Variants in GRID2 observed in about 807,000 individuals in gnomAD.
The protein encoded by GRID2 is glutamate ionotropic receptor delta type subunit 2.
Under a neutral mutation model 114.8 loss-of-function variants are expected in GRID2, and 33 were observed. The observed-to-expected ratio is 0.29, with a 90% CI of 0.22 to 0.38. GRID2 has a LOEUF of 0.38. Ranked by LOEUF, GRID2 falls within the 10% of genes least tolerant of loss-of-function variation. The probability of loss-of-function intolerance (pLI) is 1.00; values close to 1 mark genes in which losing one functional copy is unlikely to be tolerated. For synonymous variants in GRID2, 505 were observed against 449.9 expected (o/e 1.12, Z -1.55); for missense variants, 1,184 against 1,257.7 (o/e 0.94, Z 0.89).
At chr4:93,223,726 A>G (rs1017872892) in intron 6 of GRID2, among the ~76,000 whole-genome samples, 1 of 152,156 alleles carries the variant, frequency 6.6e-6, no homozygotes, top group African/African-American at 2.4e-5. Context: ...TATAACATGA[A>G]GCAGCTTTTA....
intron 2 of GRID2, among the ~76,000 whole-genome samples, chr4:92,621,981 G>A (rs2149239108): frequency 6.6e-6 from 1 of 151,832 alleles, no homozygotes; most frequent in South Asian, 2.1e-4. Flanking sequence ...GTTAAACATT[G>A]AACTATTGAG....
At chr4:92,572,074 A>C (rs977831547) in intron 1 of GRID2, among the ~76,000 whole-genome samples, 5 of 152,082 alleles carry the variant, frequency 3.3e-5, no homozygotes, top group Non-Finnish European at 5.9e-5. Flanking sequence ...AAAACCCTTC[A>C]AAAAATTAAT....
At chr4:92,932,249 A>G (rs910407925) in intron 2 of GRID2, among the ~76,000 whole-genome samples, 16 of 151,410 alleles carry the variant, frequency 1.1e-4, no homozygotes, top group African/African-American at 3.9e-4. Flanking sequence ...AATGGTCAAA[A>G]GACTTGGGTC....
rs575415339 is a variant in GRID2 at position 93,513,458 on chromosome 4, C to T, written c.1998-1758C>T. ...ATGGTATGACCTACAAGTAAATGTC[C>T]ACTCACTTTGTTATTCAGTTGCATC... On this transcript the variant is annotated intron_variant, in intron 12 of 15. Transcript: ENST00000282020. Among the ~76,000 whole-genome samples, 5 of 152,138 alleles carry T rather than the reference C, an allele frequency of 3.3e-5. No individual in the cohort carries two copies. The South Asian group carries it at 1.0e-3, about 32-fold the overall frequency.
rs1234007344 is a variant in GRID2 at position 93,216,925 on chromosome 4, G to A, written c.963+14G>A. ...CAGAATATGGAGGTATATTATAAAT[G>A]ACAGGATATTTCTTCCAGGGTGCTT... On this transcript the variant is annotated intron_variant, in intron 6 of 15. Coordinates refer to ENST00000282020, the MANE Select transcript of GRID2 (RefSeq NM_001510.4). 6.3e-7 allele frequency: 1 copy of A among 1,582,100 alleles called. No individual in the cohort carries two copies. Among genetic ancestry groups the A allele is most frequent in the South Asian group, 1.1e-5 (1 of 90,090 alleles).
Position 92,305,628 on chromosome 4 carries a change from C to T in GRID2, c.88+884C>T, listed in dbSNP as rs548606618. ...CGCGACTCTGAGAAGGACTGCCGAG[C>T]GGGCTCCGAGATGCTGGTGGCCCCA... On this transcript the variant is annotated intron_variant, in intron 1 of 15. Coordinates refer to ENST00000282020, the MANE Select transcript of GRID2 (RefSeq NM_001510.4). Among the ~76,000 whole-genome samples, 3 of 152,216 alleles carry T rather than the reference C, an allele frequency of 2.0e-5. No individual in the cohort carries two copies. The East Asian group carries it at 5.8e-4, about 30-fold the overall frequency.
At chr4:93,599,978 G>T (rs540591438) in intron 13 of GRID2, among the ~76,000 whole-genome samples, 2 of 152,178 alleles carry the variant, frequency 1.3e-5, no homozygotes, top group Non-Finnish European at 2.9e-5. Context: ...CCTGAACTGT[G>T]TATGCACAGG....
intron 14 of GRID2, among the ~76,000 whole-genome samples, chr4:93,644,225 T>C (rs1231769059): frequency 1.2e-5 from 1 of 84,480 alleles, no homozygotes; most frequent in African/African-American, 8.1e-5. Flanking sequence ...CACTCCCTAG[T>C]GAGATGAACC....
intron 2 of GRID2, among the ~76,000 whole-genome samples, chr4:92,595,896 T>C (rs1211988485): frequency 6.6e-6 from 1 of 152,102 alleles, no homozygotes; most frequent in Non-Finnish European, 1.5e-5. Flanking sequence ...AAGATGTAAA[T>C]AGAATGATTT....
At chr4:92,499,512 A>AT (rs2149121638) in intron 1 of GRID2, among the ~76,000 whole-genome samples, 1 of 152,316 alleles carries the variant, frequency 6.6e-6, no homozygotes, top group South Asian at 2.1e-4. Flanking sequence ...ATTTAGAATT[A>AT]TTATTCAGCA....
At chr4:93,371,224 G>C (rs1762877084) in intron 8 of GRID2, among the ~76,000 whole-genome samples, 2 of 152,190 alleles carry the variant, frequency 1.3e-5, no homozygotes, top group African/African-American at 4.8e-5. Context: ...CCAAGTTTAA[G>C]TAAAAAGATT....
intron 11 of GRID2, among the ~76,000 whole-genome samples, chr4:93,488,346 T>G (rs189203649): frequency 1.3e-5 from 2 of 152,072 alleles, no homozygotes; most frequent in Non-Finnish European, 2.9e-5. Context: ...AAAAATGGGT[T>G]CCAGATATCA....
At chr4:93,539,132 G>T (rs866536401) in intron 13 of GRID2, among the ~76,000 whole-genome samples, 15 of 151,702 alleles carry the variant, frequency 9.9e-5, no homozygotes, top group African/African-American at 3.4e-4. Context: ...TCTATTTTAG[G>T]CATGAACTGT....
intron 4 of GRID2, among the ~76,000 whole-genome samples, chr4:93,166,504 A>T (rs1483975212): frequency 6.6e-6 from 1 of 152,220 alleles, no homozygotes; most frequent in Admixed American, 6.5e-5. Context: ...ATGTGCTGGC[A>T]AAGAATAATG....
chr4:93,474,451 A>C (rs192771364), intron 11 of GRID2, among the ~76,000 whole-genome samples: 1 of 151,992 alleles, frequency 6.6e-6, no homozygotes, highest in Non-Finnish European at 1.5e-5. Context: ...ATTATTTCCA[A>C]CTCAAAATAA....
intron 2 of GRID2, among the ~76,000 whole-genome samples, chr4:92,948,091 T>A (rs112188997): frequency 6.6e-6 from 1 of 151,916 alleles, no homozygotes; most frequent in African/African-American, 2.4e-5. Flanking sequence ...AATATATTTA[T>A]GGCTCCTAAT....
intron 14 of GRID2, among the ~76,000 whole-genome samples, chr4:93,700,075 C>A (rs1727375903): frequency 6.6e-6 from 1 of 152,096 alleles, no homozygotes; most frequent in Non-Finnish European, 1.5e-5. Flanking sequence ...ATCAAATATG[C>A]TATTTTTAAA....
chr4:92,576,523 C>T (rs1305324093), intron 1 of GRID2, among the ~76,000 whole-genome samples: 1 of 152,182 alleles, frequency 6.6e-6, no homozygotes, highest in East Asian at 1.9e-4. Context: ...TTCCTAGGGA[C>T]ATCTCCTAGG....
At chr4:93,276,608 T>G (rs1000020572) in intron 8 of GRID2, among the ~76,000 whole-genome samples, 1 of 151,998 alleles carries the variant, frequency 6.6e-6, no homozygotes, top group African/African-American at 2.4e-5. Context: ...TTCAAAAATA[T>G]TTTGTAGTTT....
Sources: allele counts gnomAD v4.1 joint callset (sites outside exome capture counted in the v4.1 genomes callset), GRCh38; gene constraint gnomAD v4.1.1; transcripts MANE v1.5; gene names NCBI Gene and HGNC (gene_info 2026-07-23, HGNC 2026-07-21).